PCSK6: variants seen among roughly 807,000 people sequenced by gnomAD.
The protein encoded by PCSK6 is paired basic amino acid cleaving enzyme 4.
Under a neutral mutation model 123.3 loss-of-function variants are expected in PCSK6, and 85 were observed. The ratio of observed to expected loss-of-function variants is 0.69; its 90% CI spans 0.58 to 0.83. The LOEUF (loss-of-function observed/expected upper bound fraction) is 0.83, where lower values mean the gene tolerates loss of function less well. Ranked by LOEUF, PCSK6 falls within the 40% of genes least tolerant of loss-of-function variation. The pLI is 0.00. For missense variants in PCSK6, 1,191 were observed against 1,282.3 expected (o/e 0.93, Z 1.09); for synonymous variants, 508 against 516.0 (o/e 0.98, Z 0.21).
chr15:101,350,225 G>A (rs1287222315), intron 13 of PCSK6, among the ~76,000 whole-genome samples: 1 of 152,132 alleles, frequency 6.6e-6, no homozygotes, highest in Admixed American at 6.5e-5. Flanking sequence ...TATTTTATTT[G>A]GATACTACAA....
intron 13 of PCSK6, among the ~76,000 whole-genome samples, chr15:101,338,363 G>GC (rs79608296): frequency 0.072 from 11,022 of 152,108 alleles, 1,053 homozygotes; most frequent in African/African-American, 0.21. Flanking sequence ...CACAGTGTCG[G>GC]CCCCCCACAG....
intron 1 of PCSK6, among the ~76,000 whole-genome samples, chr15:101,466,120 G>T (rs12903048): frequency 0.74 from 112,965 of 152,010 alleles, 42,629 homozygotes; most frequent in Non-Finnish European, 0.82. Flanking sequence ...ACAACCCAGA[G>T]AAGGATGACA....
intron 1 of PCSK6, among the ~76,000 whole-genome samples, chr15:101,474,521 C>T (rs565871000): frequency 1.3e-4 from 20 of 152,338 alleles, no homozygotes; most frequent in African/African-American, 4.6e-4. Flanking sequence ...CTAAGTAAAA[C>T]CAGCAGCAAA....
At chr15:101,335,080 A>G (rs2141376675) in intron 13 of PCSK6, among the ~76,000 whole-genome samples, 1 of 152,236 alleles carries the variant, frequency 6.6e-6, no homozygotes. Context: ...CCACCTCAGC[A>G]TCCCAAGTGG....
At chr15:101,387,663 C>T (rs112794368) in intron 9 of PCSK6, among the ~76,000 whole-genome samples, 526 of 29,952 alleles carry the variant, frequency 0.018, 5 homozygotes, top group African/African-American at 0.032. Flanking sequence ...AATTCCAACA[C>T]GTATGGGTTT....
chr15:101,358,608 G>A (rs980994605), intron 13 of PCSK6, among the ~76,000 whole-genome samples: 6 of 152,204 alleles, frequency 3.9e-5, no homozygotes, highest in Non-Finnish European at 5.9e-5. Context: ...AAAATGCATC[G>A]GAGACATGTC....
chr15:101,387,834 GGCT>G (rs2141530184), intron 9 of PCSK6, among the ~76,000 whole-genome samples: 1 of 53,696 alleles, frequency 1.9e-5, no homozygotes, highest in Admixed American at 2.6e-4. Context: ...AGCTATCCCA[GGCT>G]ACAGGTCTGC....
chr15:101,381,483 C>T (rs752938217), intron 11 of PCSK6, among the ~76,000 whole-genome samples: 13 of 152,144 alleles, frequency 8.5e-5, no homozygotes, highest in Non-Finnish European at 1.6e-4. Flanking sequence ...CCCTTCTGCT[C>T]GAGCCTTGTT....
chr15:101,391,205 C>G (rs1426701100), intron 8 of PCSK6, among the ~76,000 whole-genome samples: 1 of 152,210 alleles, frequency 6.6e-6, no homozygotes, highest in Non-Finnish European at 1.5e-5. Flanking sequence ...CCCTCTCTGA[C>G]TCCAGCATCT....
intron 6 of PCSK6, among the ~76,000 whole-genome samples, chr15:101,400,070 C>G (rs2042541046): frequency 6.6e-6 from 1 of 152,106 alleles, no homozygotes; most frequent in African/African-American, 2.4e-5. Context: ...GTCACCCAGG[C>G]TGGAATGCAG....
intron 11 of PCSK6, among the ~76,000 whole-genome samples, chr15:101,380,216 C>G (rs2041876207): frequency 6.6e-6 from 1 of 152,192 alleles, no homozygotes. Flanking sequence ...TGTGCTTTCA[C>G]TTAAAAAACA....
chr15:101,462,716 A>G (rs2057366767), intron 1 of PCSK6, among the ~76,000 whole-genome samples: 1 of 152,252 alleles, frequency 6.6e-6, no homozygotes, highest in South Asian at 2.1e-4. Context: ...GAAAAAAATA[A>G]AATAAAATCC....
chr15:101,305,455 C>G lies in PCSK6; in HGVS notation c.2813-100G>C. 9 of 968,504 alleles carry G rather than the reference C, an allele frequency of 9.3e-6. No homozygotes were observed. The highest frequency in any genetic ancestry group is 1.4e-5 in the Non-Finnish European group (9 of 631,776). The allele number at this position is 968,504 out of a possible 1,614,324, so 60.0% of individuals were successfully genotyped here. ...GGGCGCGGTGCCTCATGCCTGTAAT[C>G]CCAGCACTTTGGGAGGCCGAGGTGG... On this transcript the variant is annotated intron_variant, in intron 21 of 21. Transcript: ENST00000611716. This position sits in a 1 kb window ranked among gnomAD's most constrained non-coding sequence, Gnocchi z 4.8.
intron 1 of PCSK6, among the ~76,000 whole-genome samples, chr15:101,484,137 A>G (rs1225722561): frequency 2.0e-5 from 3 of 152,216 alleles, no homozygotes; most frequent in Non-Finnish European, 4.4e-5. Flanking sequence ...AAAGTACAAA[A>G]TGTCTAGGCA....
chr15:101,370,612 TC>T (rs2041554201), intron 11 of PCSK6, 89 bp from the exon 12 acceptor site: 1 of 1,233,044 alleles, frequency 8.1e-7, no homozygotes, highest in Non-Finnish European at 1.1e-6. Context: ...GTCCACTCTA[TC>T]CCCACTGCAG....
chr15:101,443,865 A>C (rs1189081661), intron 1 of PCSK6, among the ~76,000 whole-genome samples: 2 of 152,226 alleles, frequency 1.3e-5, no homozygotes, highest in African/African-American at 2.4e-5. Flanking sequence ...TTTTTAGATA[A>C]ATAACACTAA....
chr15:101,346,720 G>T (rs761503010), intron 13 of PCSK6: 5 of 1,216,406 alleles, frequency 4.1e-6, no homozygotes, highest in Non-Finnish European at 5.1e-6. Context: ...CTCTTCCTCA[G>T]ATCTGTCATT....
In PCSK6 at chr15:101,318,301, C is replaced by A. The variant is rs575682660; in HGVS notation, c.2569+18G>T. On this transcript the variant is annotated intron_variant, in intron 19 of 21. Transcript: ENST00000611716. ...TTGGGTGACGCTGGCCCGAGGCCTC[C>A]GCAGGCGGTGAACTCACCCACGCAG... 5.8e-6 allele frequency: 9 copies of A among 1,539,804 alleles called. 1 individual carries two copies. The highest frequency in any genetic ancestry group is 7.9e-6 in the Non-Finnish European group (9 of 1,136,134).
chr15:101,342,828 G>A (rs1334233544), intron 13 of PCSK6, among the ~76,000 whole-genome samples: 1 of 152,134 alleles, frequency 6.6e-6, no homozygotes, highest in Non-Finnish European at 1.5e-5. Context: ...TTTGAATCTG[G>A]GAGGCAGAAG....
Sources: allele counts gnomAD v4.1 joint callset (sites outside exome capture counted in the v4.1 genomes callset), GRCh38; gene constraint gnomAD v4.1.1; non-coding constraint Gnocchi (gnomAD v3.1); transcripts MANE v1.5; gene names NCBI Gene and HGNC (gene_info 2026-07-23, HGNC 2026-07-21).